ERC1: variants seen among roughly 807,000 people sequenced by gnomAD.
The protein encoded by ERC1 is ELKS/RAB6-interacting/CAST family member 1.
A neutral mutation model predicts 132.0 loss-of-function variants in ERC1; 56 were observed. The ratio of observed to expected loss-of-function variants is 0.42; its 90% confidence interval spans 0.34 to 0.53. The LOEUF (loss-of-function observed/expected upper bound fraction) is 0.53. Among genes scored for constraint, ERC1 ranks in the 20% least tolerant of loss-of-function variants. The probability of loss-of-function intolerance (pLI) is 0.03; values close to 1 mark genes in which losing one functional copy is unlikely to be tolerated. For missense variants in ERC1, 1,202 were observed against 1,349.9 expected (o/e 0.89, Z 1.72); for synonymous variants, 478 against 476.1 (o/e 1.00, Z -0.05).
At chr12:1,448,662 G>A (rs892439234) in intron 18 of ERC1, among the ~76,000 whole-genome samples, 1 of 152,208 alleles carries the variant, frequency 6.6e-6, no homozygotes, top group Non-Finnish European at 1.5e-5. Flanking sequence ...TATCTCCAAT[G>A]CATTTCACTG....
intron 2 of ERC1, among the ~76,000 whole-genome samples, chr12:1,058,439 A>G (rs1441716623): frequency 6.6e-6 from 1 of 152,188 alleles, no homozygotes; most frequent in Non-Finnish European, 1.5e-5. Flanking sequence ...AGTACTATCT[A>G]TTGAAGAGGG....
chr12:1,399,630 T>G (rs12311864), intron 16 of ERC1, among the ~76,000 whole-genome samples: 46,496 of 152,028 alleles, frequency 0.31, 7,304 homozygotes, highest in Middle Eastern at 0.36. Context: ...TTCATATAAG[T>G]GAAATAATAT....
chr12:1,266,382 G>GTT (rs2077479464), intron 14 of ERC1, among the ~76,000 whole-genome samples: 1 of 78,844 alleles, frequency 1.3e-5, no homozygotes, highest in Admixed American at 1.3e-4. Context: ...TATTTTTATC[G>GTT]TTTCCTGTCT....
At chr12:1,174,773 C>G (rs1331263306) in intron 8 of ERC1, among the ~76,000 whole-genome samples, 1 of 152,040 alleles carries the variant, frequency 6.6e-6, no homozygotes, top group Non-Finnish European at 1.5e-5. Context: ...CTTGTATTGC[C>G]CTTTCTTGAC....
intron 7 of ERC1, among the ~76,000 whole-genome samples, chr12:1,127,523 A>T (rs1279921840): frequency 6.6e-6 from 1 of 150,562 alleles, no homozygotes; most frequent in Non-Finnish European, 1.5e-5. Flanking sequence ...TTTTTTTGAG[A>T]CGGAGTTTTA....
At chr12:1,203,823 C>T (rs1023725779) in intron 12 of ERC1, 2 of 152,238 alleles carry the variant, frequency 1.3e-5, no homozygotes, top group Non-Finnish European at 1.5e-5. Context: ...ATATCTCCTA[C>T]TGCTAAGCAG....
intron 7 of ERC1, among the ~76,000 whole-genome samples, chr12:1,119,780 C>T (rs986761995): frequency 6.6e-6 from 1 of 151,934 alleles, no homozygotes; most frequent in Non-Finnish European, 1.5e-5. Context: ...GAACTCCCGA[C>T]CTCAGGTGAT....
At chr12:1,191,173 T>C (rs1421601939) in intron 12 of ERC1, among the ~76,000 whole-genome samples, 1 of 152,206 alleles carries the variant, frequency 6.6e-6, no homozygotes, top group African/African-American at 2.4e-5. Flanking sequence ...ACTCATTTTG[T>C]TCAGTTCTGA....
At chr12:1,067,665 C>T (rs1413671706) in intron 2 of ERC1, among the ~76,000 whole-genome samples, 1 of 152,040 alleles carries the variant, frequency 6.6e-6, no homozygotes, top group Non-Finnish European at 1.5e-5. Flanking sequence ...CAAAATAGAG[C>T]TGAAAGGATC....
chr12:1,296,227 G>A (rs1304947359), intron 15 of ERC1, among the ~76,000 whole-genome samples: 1 of 151,942 alleles, frequency 6.6e-6, no homozygotes, highest in Non-Finnish European at 1.5e-5. Context: ...ACTTGGGAGG[G>A]TGAGGTGAGA....
intron 8 of ERC1, among the ~76,000 whole-genome samples, chr12:1,162,711 T>G (rs1343514469): frequency 6.6e-6 from 1 of 152,080 alleles, no homozygotes; most frequent in Admixed American, 6.5e-5. Flanking sequence ...TCTGAGAAAA[T>G]ATTTTATTTT....
chr12:1,145,823 T>G (rs1416256984), intron 8 of ERC1, among the ~76,000 whole-genome samples: 2 of 152,224 alleles, frequency 1.3e-5, no homozygotes, highest in Non-Finnish European at 2.9e-5. Flanking sequence ...ATTTGTTGAA[T>G]AGGGTGTCAT....
chr12:1,216,683 G>A (rs891449796), intron 12 of ERC1, among the ~76,000 whole-genome samples: 1 of 151,950 alleles, frequency 6.6e-6, no homozygotes, highest in African/African-American at 2.4e-5. Flanking sequence ...TGGGAAGAGT[G>A]AAACAAGTTA....
At chr12:1,367,094 T>G (rs1317081191) in intron 15 of ERC1, among the ~76,000 whole-genome samples, 1 of 152,198 alleles carries the variant, frequency 6.6e-6, no homozygotes, top group Non-Finnish European at 1.5e-5. Context: ...AGAGGATTTC[T>G]TCAGGAAAAG....
chr12:1,139,819 AGATC>A (rs2154247798), intron 7 of ERC1, among the ~76,000 whole-genome samples: 1 of 152,266 alleles, frequency 6.6e-6, no homozygotes, highest in South Asian at 2.1e-4. Context: ...GAAGGACGAT[AGATC>A]AGAGGTCATG....
chr12:1,075,375 G>A (rs1941167276), intron 2 of ERC1, among the ~76,000 whole-genome samples: 1 of 152,062 alleles, frequency 6.6e-6, no homozygotes, highest in Non-Finnish European at 1.5e-5. Flanking sequence ...ATTCTTTAAA[G>A]CAAGCTAGAG....
At chr12:1,268,720 C>T (rs1367962977) in intron 14 of ERC1, among the ~76,000 whole-genome samples, 2 of 152,008 alleles carry the variant, frequency 1.3e-5, no homozygotes, top group East Asian at 1.9e-4. Flanking sequence ...GAGCTGAGAT[C>T]GTGCCACTGC....
chr12:1,254,257 C>G (rs2076649750), intron 13 of ERC1, among the ~76,000 whole-genome samples: 2 of 152,150 alleles, frequency 1.3e-5, no homozygotes, highest in Admixed American at 6.5e-5. Flanking sequence ...ACACACAGTA[C>G]ATTTCTAAAT....
chr12:1,241,410 T>TA (rs2075782251), intron 13 of ERC1, among the ~76,000 whole-genome samples: 1 of 152,206 alleles, frequency 6.6e-6, no homozygotes, highest in Admixed American at 6.5e-5. Flanking sequence ...TGATGATTGT[T>TA]ACATATTTTT....
Sources: allele counts gnomAD v4.1 joint callset (sites outside exome capture counted in the v4.1 genomes callset), GRCh38; gene constraint gnomAD v4.1.1; transcripts MANE v1.5; gene names NCBI Gene and HGNC (gene_info 2026-07-23, HGNC 2026-07-21).